The following RTN4RL1 variants were observed in gnomAD, a reference collection of about 807,000 sequenced individuals.
RTN4RL1 encodes the protein reticulon 4 receptor like 1, also known as reticulon-4 receptor-like 1.
A neutral mutation model predicts 25.6 loss-of-function variants in RTN4RL1; 7 were observed. The observed-to-expected ratio is 0.27, with a 90% confidence interval of 0.16 to 0.51. RTN4RL1 has a LOEUF of 0.51. Ranked by LOEUF, RTN4RL1 falls within the 20% of genes least tolerant of loss-of-function variation. The pLI, the probability that RTN4RL1 is intolerant of heterozygous loss-of-function variation, is 0.97. For missense variants in RTN4RL1, 500 were observed against 615.6 expected, an observed-to-expected ratio of 0.81 and a Z score of 1.99; for synonymous variants, 297 against 288.2, an observed-to-expected ratio of 1.03 and a Z score of -0.31.
intron 1 of RTN4RL1, among the ~76,000 whole-genome samples, chr17:1,940,990 C>A (rs745752321): frequency 6.6e-6 from 1 of 152,170 alleles, no homozygotes; most frequent in African/African-American, 2.4e-5. Context: ...GGCAGGGGGA[C>A]GGGGTGATAT....
intron 1 of RTN4RL1, among the ~76,000 whole-genome samples, chr17:2,016,483 G>A (rs2067125221): frequency 6.6e-6 from 1 of 152,210 alleles, no homozygotes; most frequent in South Asian, 2.1e-4. Context: ...CATGTCTGGG[G>A]TTCTACTGAG....
chr17:1,956,250 C>T (rs1261696281), intron 1 of RTN4RL1, among the ~76,000 whole-genome samples: 1 of 152,174 alleles, frequency 6.6e-6, no homozygotes. Context: ...TAAACAGGCA[C>T]TCGTCAAACA....
chr17:1,965,519 C>G (rs115481830), intron 1 of RTN4RL1, among the ~76,000 whole-genome samples: 1 of 152,176 alleles, frequency 6.6e-6, no homozygotes, highest in African/African-American at 2.4e-5. Context: ...TCTCCCTGGC[C>G]CCATGGACTT....
At chr17:2,005,735 C>CTCTT (rs964605183) in intron 1 of RTN4RL1, among the ~76,000 whole-genome samples, 3 of 101,612 alleles carry the variant, frequency 3.0e-5, no homozygotes, top group African/African-American at 8.3e-5. Context: ...ATCTCTCTCT[C>CTCTT]TCTTTCTCTC....
At chr17:1,950,462 A>G (rs1485264369) in intron 1 of RTN4RL1, among the ~76,000 whole-genome samples, 1 of 152,070 alleles carries the variant, frequency 6.6e-6, no homozygotes, top group Non-Finnish European at 1.5e-5. Context: ...CCTTAGAGAG[A>G]TGTTTAGTTG....
intron 1 of RTN4RL1, among the ~76,000 whole-genome samples, chr17:1,953,006 G>A (rs1362978861): frequency 6.6e-6 from 1 of 151,896 alleles, no homozygotes; most frequent in Middle Eastern, 3.2e-3. Flanking sequence ...GAACCCAGGA[G>A]GCAGAGGCTG....
chr17:1,969,513 G>T (rs534261969), intron 1 of RTN4RL1, among the ~76,000 whole-genome samples: 1 of 152,164 alleles, frequency 6.6e-6, no homozygotes, highest in African/African-American at 2.4e-5. Flanking sequence ...TCCCCTAGCC[G>T]ATCACAGTGG....
In RTN4RL1 at chr17:1,936,319, C is replaced by A. The variant is rs549538335; in HGVS notation, c.*177G>T. Reference sequence around the variant, plus strand: ...AAGCGCCACCCCCTCCCGCCTAGGGCTGTACACTTTGGGTTTATAATCCAC... The same window carrying A: ...AAGCGCCACCCCCTCCCGCCTAGGGATGTACACTTTGGGTTTATAATCCAC... On this transcript the variant is annotated 3_prime_UTR_variant, in exon 2 of 2. Coordinates refer to ENST00000331238, the MANE Select transcript of RTN4RL1 (RefSeq NM_178568.4). 14 of 1,422,124 alleles carry A rather than the reference C, an allele frequency of 9.8e-6. No individual in the cohort carries two copies. In the East Asian group the frequency reaches 3.4e-4, roughly 35 times the overall value. The allele number at this position is 1,422,124 out of a possible 1,614,324, so 88.1% of individuals were successfully genotyped here.
chr17:1,946,109 C>G (rs1915533097), intron 1 of RTN4RL1, among the ~76,000 whole-genome samples: 1 of 152,186 alleles, frequency 6.6e-6, no homozygotes, highest in African/African-American at 2.4e-5. Flanking sequence ...CAGCCAGAGG[C>G]CCAGGGCAGG....
At chr17:1,950,491 A>G (rs1269875044) in intron 1 of RTN4RL1, among the ~76,000 whole-genome samples, 2 of 152,096 alleles carry the variant, frequency 1.3e-5, no homozygotes, top group Non-Finnish European at 2.9e-5. Context: ...TGGAAGTACA[A>G]AACTGAAGCC....
chr17:1,953,951 C>G (rs773511157), intron 1 of RTN4RL1, among the ~76,000 whole-genome samples: 35 of 152,224 alleles, frequency 2.3e-4, no homozygotes, highest in Non-Finnish European at 4.8e-4. Context: ...GCATGAAATG[C>G]ATGGCCCTGA....
At chr17:1,978,638 G>GA (rs1004046279) in intron 1 of RTN4RL1, among the ~76,000 whole-genome samples, 4 of 152,136 alleles carry the variant, frequency 2.6e-5, no homozygotes, top group African/African-American at 9.7e-5. Context: ...GAAAATGGGG[G>GA]GGGTGGAGGG....
intron 1 of RTN4RL1, among the ~76,000 whole-genome samples, chr17:1,950,331 TC>T (rs1443311090): frequency 6.6e-6 from 1 of 152,006 alleles, no homozygotes; most frequent in African/African-American, 2.4e-5. Flanking sequence ...CGGGGCGGCT[TC>T]CCAAGTCTAT....
At chr17:1,967,965 G>A (rs1041166928) in intron 1 of RTN4RL1, among the ~76,000 whole-genome samples, 3 of 152,070 alleles carry the variant, frequency 2.0e-5, no homozygotes, top group African/African-American at 7.2e-5. Flanking sequence ...TGCCTCAACT[G>A]CCCTGAGGTC....
At chr17:1,959,489 A>G (rs2151309483) in intron 1 of RTN4RL1, among the ~76,000 whole-genome samples, 1 of 152,104 alleles carries the variant, frequency 6.6e-6, no homozygotes, top group African/African-American at 2.4e-5. Context: ...AAATCCCCAG[A>G]GCTCAGCCCT....
chr17:1,987,718 GACACACACACAC>G (rs59658751), intron 1 of RTN4RL1, among the ~76,000 whole-genome samples: 20,976 of 145,006 alleles, frequency 0.14, 1,607 homozygotes, highest in Non-Finnish European at 0.16. Context: ...TGAGTTCAGG[GACACACACACAC>G]ACACACACAC....
At chr17:1,978,117 C>A (rs564171156) in intron 1 of RTN4RL1, among the ~76,000 whole-genome samples, 1 of 152,226 alleles carries the variant, frequency 6.6e-6, no homozygotes, top group Admixed American at 6.5e-5. Context: ...AGGGAGGAAC[C>A]GCCATTGCCT....
In RTN4RL1 at chr17:1,935,120, C is replaced by T. The variant is rs888031287; in HGVS notation, c.*1376G>A. ...TCAAGGAAAAATTCAGCAGCTGAGCCGTGCGGGAGGCCTGGGCTCAAGCCC... is the reference window on the plus strand; with the variant it reads ...TCAAGGAAAAATTCAGCAGCTGAGCTGTGCGGGAGGCCTGGGCTCAAGCCC... On this transcript the variant is annotated 3_prime_UTR_variant, in exon 2 of 2. Coordinates refer to ENST00000331238, the MANE Select transcript of RTN4RL1 (RefSeq NM_178568.4). The T allele has an allele frequency of 6.5e-5, 10 of 152,690 alleles. No individual in the cohort carries two copies. Among genetic ancestry groups the T allele is most frequent in the African/African-American group, 1.9e-4 (8 of 41,456 alleles). 9.5% of individuals were successfully genotyped at this position (152,690 alleles called of 1,614,324 possible). A position where few individuals can be genotyped will look rare whatever the true frequency, so the allele number is the denominator to read the frequency against.
intron 1 of RTN4RL1, among the ~76,000 whole-genome samples, chr17:2,017,341 G>A (rs1469462104): frequency 6.6e-6 from 1 of 152,226 alleles, no homozygotes; most frequent in African/African-American, 2.4e-5. Flanking sequence ...TCAGTGAGCT[G>A]CCAAGTGGCC....
Sources: gnomAD v4.1 joint callset for allele counts (sites outside exome capture counted in the v4.1 genomes callset) on GRCh38, gnomAD v4.1.1 for gene constraint, MANE v1.5 for transcripts, NCBI Gene and HGNC (gene_info 2026-07-23, HGNC 2026-07-21) for gene names.